ITGA9: variants seen among roughly 807,000 people sequenced by gnomAD.
The protein encoded by ITGA9 is integrin alpha-9.
ITGA9 carries 56 observed loss-of-function variants against 127.8 expected under a neutral mutation model. The ratio of observed to expected loss-of-function variants is 0.44; its 90% CI spans 0.35 to 0.55. The LOEUF (loss-of-function observed/expected upper bound fraction) is 0.55, where lower values mean the gene tolerates loss of function less well. Among genes scored for constraint, ITGA9 ranks in the 20% least tolerant of loss-of-function variants. ITGA9 has a pLI of 0.00. For synonymous variants in ITGA9, 508 were observed against 514.5 expected (o/e 0.99, Z 0.17); for missense variants, 1,196 against 1,347.1 (o/e 0.89, Z 1.76).
At chr3:37,505,237 T>C (rs1340645525) in intron 6 of ITGA9, among the ~76,000 whole-genome samples, 3 of 152,316 alleles carry the variant, frequency 2.0e-5, no homozygotes, top group African/African-American at 7.2e-5. Flanking sequence ...GTTTTTCTAA[T>C]TCTGTATCTG....
At chr3:37,457,324 A>G (rs1309737820) in intron 1 of ITGA9, among the ~76,000 whole-genome samples, 1 of 152,184 alleles carries the variant, frequency 6.6e-6, no homozygotes, top group Non-Finnish European at 1.5e-5. Context: ...TTTAAGATCT[A>G]GGCTCTGATG....
intron 23 of ITGA9, among the ~76,000 whole-genome samples, chr3:37,775,200 G>T (rs981028279): frequency 6.6e-6 from 1 of 152,118 alleles, no homozygotes; most frequent in Non-Finnish European, 1.5e-5. Context: ...TTAAAAGGAG[G>T]GCAAAGGACA....
chr3:37,494,751 C>G (rs1228608036), intron 5 of ITGA9, among the ~76,000 whole-genome samples, 183 bp downstream of exon 5: 4 of 152,110 alleles, frequency 2.6e-5, no homozygotes, highest in African/African-American at 9.7e-5. Context: ...CACCAGCTGG[C>G]CAGAGACCAC....
chr3:37,714,836 A>G (rs1488231837), intron 18 of ITGA9, among the ~76,000 whole-genome samples: 1 of 152,176 alleles, frequency 6.6e-6, no homozygotes, highest in Non-Finnish European at 1.5e-5. Context: ...TCCCAGAGCA[A>G]AGGAAGGAAA....
intron 15 of ITGA9, among the ~76,000 whole-genome samples, chr3:37,618,340 T>C (rs1351582450): frequency 6.6e-6 from 1 of 152,098 alleles, no homozygotes; most frequent in Non-Finnish European, 1.5e-5. Context: ...CTCAGAGGAG[T>C]ACCTGGCCGT....
intron 18 of ITGA9, among the ~76,000 whole-genome samples, chr3:37,694,555 G>C (rs1009061822): frequency 2.0e-5 from 3 of 152,218 alleles, no homozygotes; most frequent in African/African-American, 7.2e-5. Flanking sequence ...TATTCACTGC[G>C]TTTGGAAGGA....
At chr3:37,639,452 G>C (rs1700311910) in intron 16 of ITGA9, among the ~76,000 whole-genome samples, 1 of 152,204 alleles carries the variant, frequency 6.6e-6, no homozygotes, top group Non-Finnish European at 1.5e-5. Flanking sequence ...CTTAAAGGTG[G>C]AGTAGGATTT....
chr3:37,503,893 G>A (rs1038901062), intron 6 of ITGA9, among the ~76,000 whole-genome samples: 1 of 152,190 alleles, frequency 6.6e-6, no homozygotes, highest in Non-Finnish European at 1.5e-5. Context: ...AACAGACATA[G>A]GCTGTCTTTG....
At chr3:37,817,820 C>T (rs1697454505) in intron 27 of ITGA9, among the ~76,000 whole-genome samples, 2 of 152,140 alleles carry the variant, frequency 1.3e-5, no homozygotes, top group South Asian at 2.1e-4. Flanking sequence ...GTTGTAAGAC[C>T]AAATGTAACA....
intron 18 of ITGA9, among the ~76,000 whole-genome samples, chr3:37,729,215 G>A (rs148026408): frequency 1.3e-5 from 2 of 152,172 alleles, no homozygotes; most frequent in East Asian, 3.9e-4. Context: ...AGAAGAGAGG[G>A]GTATAGAATT....
chr3:37,535,601 G>A (rs1368338500), intron 14 of ITGA9, among the ~76,000 whole-genome samples: 2 of 152,180 alleles, frequency 1.3e-5, no homozygotes, highest in East Asian at 1.9e-4. Context: ...TGGGCAATGC[G>A]AAGCAACCTG....
chr3:37,474,956 C>T (rs1039217740), intron 3 of ITGA9, among the ~76,000 whole-genome samples: 2 of 152,246 alleles, frequency 1.3e-5, no homozygotes, highest in Admixed American at 6.5e-5. Flanking sequence ...TCCCCCTTGT[C>T]GGGCCCCTTG....
intron 18 of ITGA9, among the ~76,000 whole-genome samples, chr3:37,729,169 G>T (rs1169811893): frequency 6.6e-6 from 1 of 152,122 alleles, no homozygotes. Context: ...CCCATGCTCT[G>T]ATACACCTCT....
chr3:37,662,534 C>T (rs893314772), intron 17 of ITGA9, among the ~76,000 whole-genome samples: 5 of 152,164 alleles, frequency 3.3e-5, no homozygotes, highest in African/African-American at 1.2e-4. Context: ...TTTGAGTTTG[C>T]TCCTCTCTCC....
intron 13 of ITGA9, among the ~76,000 whole-genome samples, chr3:37,526,351 G>C (rs1053209513): frequency 2.0e-5 from 3 of 149,734 alleles, no homozygotes; most frequent in African/African-American, 7.6e-5. Flanking sequence ...GGTTGGGGTA[G>C]CCTAACTCTT....
chr3:37,707,192 A>T (rs1028594145), intron 18 of ITGA9, among the ~76,000 whole-genome samples: 3 of 99,536 alleles, frequency 3.0e-5, no homozygotes, highest in African/African-American at 1.6e-4. Context: ...TCATACTGAA[A>T]TTTTTAAAAA....
chr3:37,542,048 G>A (rs1168090825), intron 14 of ITGA9, among the ~76,000 whole-genome samples: 1 of 152,150 alleles, frequency 6.6e-6, no homozygotes, highest in Non-Finnish European at 1.5e-5. Flanking sequence ...GCAGCTTCTG[G>A]TAATGTTCTG....
intron 15 of ITGA9, among the ~76,000 whole-genome samples, chr3:37,596,998 T>C (rs1156804543): frequency 6.6e-6 from 1 of 152,130 alleles, no homozygotes; most frequent in African/African-American, 2.4e-5. Flanking sequence ...TCAAAAGGTG[T>C]TCTAAGCAGC....
intron 14 of ITGA9, among the ~76,000 whole-genome samples, chr3:37,540,758 G>A (rs1699257811): frequency 6.6e-6 from 1 of 152,170 alleles, no homozygotes; most frequent in Non-Finnish European, 1.5e-5. Context: ...TGTCCCCATT[G>A]GAGTTGGTGT....
Sources: gnomAD v4.1 joint callset for allele counts (sites outside exome capture counted in the v4.1 genomes callset) on GRCh38, gnomAD v4.1.1 for gene constraint, MANE v1.5 for transcripts, NCBI Gene and HGNC (gene_info 2026-07-23, HGNC 2026-07-21) for gene names.